TNKS: variants seen among roughly 807,000 people sequenced by gnomAD.
TNKS encodes poly [ADP-ribose] polymerase tankyrase-1.
A neutral mutation model predicts 135.8 loss-of-function variants in TNKS; 72 were observed. The ratio of observed to expected loss-of-function variants is 0.53; its 90% confidence interval spans 0.44 to 0.64. TNKS has a LOEUF of 0.64. TNKS is among the 30% of genes least tolerant of loss of function. The pLI is 0.00. For synonymous variants in TNKS, 849 were observed against 649.3 expected, an observed-to-expected ratio of 1.31 and a Z score of -4.68; for missense variants, 1,769 against 1,674.0, an observed-to-expected ratio of 1.06 and a Z score of -0.99.
chr8:9,766,714 G>C (rs1023443749), intron 25 of TNKS, among the ~76,000 whole-genome samples: 1 of 152,108 alleles, frequency 6.6e-6, no homozygotes, highest in South Asian at 2.1e-4. Flanking sequence ...TCGAACTCCT[G>C]ATCTCATGAT....
intron 3 of TNKS, among the ~76,000 whole-genome samples, chr8:9,667,443 G>A (rs1165605301): frequency 1.3e-5 from 2 of 152,222 alleles, no homozygotes; most frequent in African/African-American, 4.8e-5. Context: ...TAAGCCTACT[G>A]AGGGCTGAAG....
intron 20 of TNKS, 128 bp from the exon 21 acceptor site, chr8:9,761,388 G>A: frequency 1.0e-6 from 1 of 984,862 alleles, no homozygotes; most frequent in African/African-American, 1.7e-5. Context: ...GTAAGCTCAT[G>A]TTTATAAAGG....
At chr8:9,598,710 TG>T (rs529909213) in intron 2 of TNKS, among the ~76,000 whole-genome samples, 1,340 of 128,022 alleles carry the variant, frequency 0.01, 26 homozygotes, top group African/African-American at 0.04. Context: ...AAAATATGTG[TG>T]TGTGTGTGTG....
intron 26 of TNKS, among the ~76,000 whole-genome samples, chr8:9,776,169 G>A (rs1202961938): frequency 6.6e-6 from 1 of 152,206 alleles, no homozygotes; most frequent in Non-Finnish European, 1.5e-5. Context: ...CCAAACTGTT[G>A]TTTCTGGGTT....
chr8:9,711,675 C>A (rs896396216), intron 11 of TNKS, among the ~76,000 whole-genome samples: 3 of 151,860 alleles, frequency 2.0e-5, no homozygotes, highest in Non-Finnish European at 4.4e-5. Context: ...ATGTAGATAC[C>A]CTTTAAAAAG....
intron 1 of TNKS, among the ~76,000 whole-genome samples, chr8:9,563,726 ATTCTC>A (rs1188467859): frequency 6.6e-6 from 1 of 151,936 alleles, no homozygotes; most frequent in East Asian, 1.9e-4. Flanking sequence ...TCATTCTCGT[ATTCTC>A]TTTTAGCTAG....
chr8:9,771,139 GGA>G (rs141103583), intron 26 of TNKS, among the ~76,000 whole-genome samples: 151 of 147,812 alleles, frequency 1.0e-3, no homozygotes, highest in African/African-American at 3.4e-3. Flanking sequence ...AGGGAGGGAA[GGA>G]GAGAGAGAGA....
Position 9,628,434 on chromosome 8 carries a change from C to G in TNKS, c.994+12757C>G, listed in dbSNP as rs1800151273. On this transcript the variant is annotated intron_variant, in intron 3 of 26. Transcript: ENST00000310430. ...CGTTGGCCACTTTCTCGTGGAGCCT[C>G]TCAGCAGCATTCAACAAAATTTATT... Among the ~76,000 whole-genome samples the G allele has an allele frequency of 2.6e-5, 4 of 152,210 alleles. No homozygotes were observed. In the South Asian group the frequency reaches 8.3e-4, roughly 32 times the overall value.
intron 3 of TNKS, among the ~76,000 whole-genome samples, chr8:9,674,295 A>C (rs1048235694): frequency 1.3e-5 from 2 of 152,218 alleles, no homozygotes; most frequent in Non-Finnish European, 2.9e-5. Context: ...AAGGTCACAC[A>C]AGTAAACTAG....
intron 1 of TNKS, among the ~76,000 whole-genome samples, chr8:9,571,551 G>A (rs904499258): frequency 6.6e-6 from 1 of 152,026 alleles, no homozygotes; most frequent in African/African-American, 2.4e-5. Flanking sequence ...TCCGCCTCCC[G>A]GGTTCACGCC....
At chr8:9,710,355 G>T (rs1003353908) in intron 11 of TNKS, 135 bp downstream of exon 11, 9 of 768,014 alleles carry the variant, frequency 1.2e-5, no homozygotes, top group Admixed American at 2.4e-5. Flanking sequence ...TAAATTCATG[G>T]ATTCTCCTAT....
chr8:9,681,083 C>A, intron 5 of TNKS: 1 of 262,344 alleles, frequency 3.8e-6, no homozygotes, highest in Non-Finnish European at 7.1e-6. Flanking sequence ...ACAGCATATG[C>A]TCTTTTCTGG....
chr8:9,613,413 A>G (rs890113727), intron 2 of TNKS, among the ~76,000 whole-genome samples: 2 of 152,210 alleles, frequency 1.3e-5, no homozygotes, highest in Admixed American at 6.5e-5. Context: ...TGAAAGCTGG[A>G]TAAGTTTAGA....
intron 3 of TNKS, among the ~76,000 whole-genome samples, chr8:9,631,533 C>A (rs1048449398): frequency 6.6e-6 from 1 of 152,158 alleles, no homozygotes; most frequent in Non-Finnish European, 1.5e-5. Flanking sequence ...TTTTGATAAA[C>A]ACTCTTGTCT....
chr8:9,644,993 A>G (rs1800866940), intron 3 of TNKS, among the ~76,000 whole-genome samples: 1 of 152,206 alleles, frequency 6.6e-6, no homozygotes, highest in African/African-American at 2.4e-5. Flanking sequence ...AGGCTAAGCT[A>G]TGATGTATCA....
chr8:9,603,058 A>G (rs1799076771), intron 2 of TNKS, among the ~76,000 whole-genome samples: 1 of 151,552 alleles, frequency 6.6e-6, no homozygotes, highest in Non-Finnish European at 1.5e-5. Context: ...TTTAACTATG[A>G]CTTTTTTTTT....
chr8:9,728,654 A>G (rs1330512799), intron 13 of TNKS, among the ~76,000 whole-genome samples: 11 of 152,138 alleles, frequency 7.2e-5, no homozygotes, highest in Non-Finnish European at 1.0e-4. Context: ...TTTTTGATTT[A>G]TGTATTTATT....
intron 20 of TNKS, among the ~76,000 whole-genome samples, chr8:9,761,197 A>C (rs1327142977): frequency 6.6e-6 from 1 of 152,162 alleles, no homozygotes; most frequent in Non-Finnish European, 1.5e-5. Context: ...TTCCTCCTCT[A>C]TCTTGAGGCA....
chr8:9,647,913 G>A (rs996999023), intron 3 of TNKS, among the ~76,000 whole-genome samples: 1 of 152,154 alleles, frequency 6.6e-6, no homozygotes, highest in Non-Finnish European at 1.5e-5. Flanking sequence ...ATAGCCTGTT[G>A]CTCCTAGAGT....
Sources: allele counts gnomAD v4.1 joint callset (sites outside exome capture counted in the v4.1 genomes callset), GRCh38; gene constraint gnomAD v4.1.1; transcripts MANE v1.5; gene names NCBI Gene and HGNC (gene_info 2026-07-23, HGNC 2026-07-21).